The following SUCLG2 variants were observed in gnomAD, a reference collection of about 807,000 sequenced individuals.
SUCLG2 encodes succinate--CoA ligase [GDP-forming] subunit beta, mitochondrial.
In SUCLG2, 42 loss-of-function variants were observed where a neutral mutation model predicts 47.9. The ratio of observed to expected loss-of-function variants is 0.88; its 90% CI spans 0.69 to 1.14. The LOEUF (loss-of-function observed/expected upper bound fraction) is 1.14, where lower values mean the gene tolerates loss of function less well. SUCLG2 is among the 50% of genes most tolerant of loss of function. The pLI is 0.00. For synonymous variants in SUCLG2, 195 were observed against 197.3 expected (o/e 0.99, Z 0.10); for missense variants, 571 against 525.9 (o/e 1.09, Z -0.84).
chr3:67,547,628 AGAAT>A (rs1408550654), intron 2 of SUCLG2, among the ~76,000 whole-genome samples: 1 of 152,190 alleles, frequency 6.6e-6, no homozygotes, highest in Non-Finnish European at 1.5e-5. Context: ...CTACCCTAGA[AGAAT>A]TTCCCAGGAT....
chr3:67,534,348 C>T (rs769640351), intron 2 of SUCLG2, among the ~76,000 whole-genome samples: 56 of 151,922 alleles, frequency 3.7e-4, no homozygotes, highest in South Asian at 8.3e-4. Flanking sequence ...TTTATGCTTT[C>T]GACGGAATAA....
intron 2 of SUCLG2, among the ~76,000 whole-genome samples, chr3:67,541,506 T>C (rs898268985): frequency 2.0e-5 from 3 of 152,118 alleles, no homozygotes; most frequent in Non-Finnish European, 4.4e-5. Context: ...CCAAAAAATA[T>C]GGGACTACGT....
chr3:67,458,532 G>T (rs1346615016), intron 9 of SUCLG2, among the ~76,000 whole-genome samples: 2 of 152,192 alleles, frequency 1.3e-5, no homozygotes, highest in African/African-American at 2.4e-5. Flanking sequence ...CTAAAGTAAA[G>T]AGAGTCAATA....
chr3:67,536,079 G>A (rs1212627593), intron 2 of SUCLG2, among the ~76,000 whole-genome samples: 1 of 152,142 alleles, frequency 6.6e-6, no homozygotes, highest in Non-Finnish European at 1.5e-5. Context: ...TGACATTAAG[G>A]GGATTCTCTC....
chr3:67,611,163 G>A (rs759147249), intron 1 of SUCLG2, among the ~76,000 whole-genome samples: 1 of 152,174 alleles, frequency 6.6e-6, no homozygotes, highest in Non-Finnish European at 1.5e-5. Flanking sequence ...ATACATGCTG[G>A]TAAAAAATTC....
chr3:67,375,623 G>T lies in SUCLG2; in HGVS notation c.*121C>A. 6.9e-7 allele frequency: 1 copy of T among 1,439,778 alleles called. No homozygotes were observed. The highest frequency in any genetic ancestry group is 9.1e-7 in the Non-Finnish European group (1 of 1,097,346). The allele number at this position is 1,439,778 out of a possible 1,614,324, so 89.2% of individuals were successfully genotyped here. ...AAACACAGATTTAAGATTTTTCAGT[G>T]ATTCTTGCCTTCCCCCTCCCCTTTT... On this transcript the variant is annotated 3_prime_UTR_variant, in exon 11 of 11. Transcript: ENST00000307227.
At chr3:67,420,014 A>G (rs1454660771) in intron 9 of SUCLG2, among the ~76,000 whole-genome samples, 2 of 152,204 alleles carry the variant, frequency 1.3e-5, no homozygotes, top group Non-Finnish European at 2.9e-5. Context: ...GGAATGTACT[A>G]GGAAGCTGTA....
rs563034276 is a variant in SUCLG2, at chr3:67,397,311, C to G, written c.1183+3420G>C. Among the ~76,000 whole-genome samples the G allele has an allele frequency of 1.2e-3, 179 of 151,966 alleles. 1 individual carries two copies. The highest frequency in any genetic ancestry group is 3.9e-3 in the African/African-American group (163 of 41,454). ...CCCAAAATCTCCTTAAGCTGATAAG[C>G]AACTTCAGCAAAGTCTCAGGATACA... On this transcript the variant is annotated intron_variant, in intron 10 of 10. Coordinates refer to ENST00000307227, the MANE Select transcript of SUCLG2 (RefSeq NM_003848.4).
At chr3:67,486,292 A>G (rs1436847288) in intron 9 of SUCLG2, among the ~76,000 whole-genome samples, 1 of 152,162 alleles carries the variant, frequency 6.6e-6, no homozygotes, top group African/African-American at 2.4e-5. Context: ...GAAGAAAGAA[A>G]AAGAAAGAAG....
intron 1 of SUCLG2, 68 bp from the exon 2 acceptor site, chr3:67,609,664 T>C (rs983793076): frequency 6.6e-7 from 1 of 1,522,724 alleles, no homozygotes; most frequent in African/African-American, 1.4e-5. Context: ...TCAACCTACA[T>C]GGCCAGTCTT....
At chr3:67,429,873 A>C (rs1256422248) in intron 9 of SUCLG2, among the ~76,000 whole-genome samples, 1 of 152,236 alleles carries the variant, frequency 6.6e-6, no homozygotes. Flanking sequence ...ATAATGGTAA[A>C]GGGATCAATT....
intron 2 of SUCLG2, among the ~76,000 whole-genome samples, 180 bp downstream of exon 2, chr3:67,609,257 TCACCATGTGATTCCTGCA>T (rs3217601): frequency 0.49 from 73,866 of 151,810 alleles, 18,871 homozygotes; most frequent in African/African-American, 0.64. Flanking sequence ...CACGCTGCAG[TCACCATGTGATTCCTGCA>T]CACTTACACA....
intron 7 of SUCLG2, among the ~76,000 whole-genome samples, chr3:67,499,955 T>G (rs141790745): frequency 0.014 from 2,200 of 152,126 alleles, 52 homozygotes; most frequent in African/African-American, 0.051. Flanking sequence ...ATGGTCTCGA[T>G]CTCCTGACCT....
At chr3:67,590,153 A>G (rs1006267801) in intron 2 of SUCLG2, among the ~76,000 whole-genome samples, 2 of 152,212 alleles carry the variant, frequency 1.3e-5, no homozygotes, top group Non-Finnish European at 2.9e-5. Flanking sequence ...TCATTTCAGA[A>G]AGAGAAATAA....
intron 9 of SUCLG2, among the ~76,000 whole-genome samples, chr3:67,464,188 C>G (rs1447320290): frequency 6.6e-6 from 1 of 152,176 alleles, no homozygotes; most frequent in African/African-American, 2.4e-5. Context: ...CTCAGAAGTT[C>G]CCAGTTCCTC....
intron 9 of SUCLG2, among the ~76,000 whole-genome samples, chr3:67,460,818 T>C (rs1704312521): frequency 6.6e-6 from 1 of 152,058 alleles, no homozygotes; most frequent in Non-Finnish European, 1.5e-5. Flanking sequence ...ATTAAAACTA[T>C]ACAGTAAAGA....
At chr3:67,380,616 TTATGAGAAATGGGTCA>T (rs1702136787) in intron 10 of SUCLG2, among the ~76,000 whole-genome samples, 1 of 152,006 alleles carries the variant, frequency 6.6e-6, no homozygotes, top group Admixed American at 6.5e-5. Context: ...AGCTCATCTG[TTATGAGAAATGGGTCA>T]TATGCAGAGC....
intron 1 of SUCLG2, among the ~76,000 whole-genome samples, chr3:67,635,571 G>A (rs1700996218): frequency 6.6e-6 from 1 of 152,140 alleles, no homozygotes; most frequent in Non-Finnish European, 1.5e-5. Context: ...TGTTGTTCAT[G>A]AAATACCTTC....
chr3:67,598,130 G>A (rs1344977922), intron 2 of SUCLG2, among the ~76,000 whole-genome samples: 1 of 151,984 alleles, frequency 6.6e-6, no homozygotes, highest in East Asian at 2.0e-4. Context: ...ACAGGCGCAT[G>A]CCGCCATGCC....
Sources: allele counts gnomAD v4.1 joint callset (sites outside exome capture counted in the v4.1 genomes callset), GRCh38; gene constraint gnomAD v4.1.1; transcripts MANE v1.5; gene names NCBI Gene and HGNC (gene_info 2026-07-23, HGNC 2026-07-21).